The following KY variants were observed in gnomAD, a reference collection of about 807,000 sequenced individuals.
KY encodes the protein kyphoscoliosis peptidase.
A neutral mutation model predicts 76.1 loss-of-function variants in KY; 43 were observed. The ratio of observed to expected loss-of-function variants is 0.57; its 90% CI spans 0.44 to 0.73. The LOEUF (loss-of-function observed/expected upper bound fraction) is 0.73, where lower values mean the gene tolerates loss of function less well. Ranked by LOEUF, KY falls within the 30% of genes least tolerant of loss-of-function variation. The pLI, the probability that KY is intolerant of heterozygous loss-of-function variation, is 0.00. For synonymous variants in KY, 277 were observed against 326.2 expected, an observed-to-expected ratio of 0.85 and a Z score of 1.63; for missense variants, 722 against 828.9, an observed-to-expected ratio of 0.87 and a Z score of 1.58.
intron 6 of KY, among the ~76,000 whole-genome samples, chr3:134,623,174 C>T (rs987530121): frequency 6.6e-6 from 1 of 152,356 alleles, no homozygotes; most frequent in East Asian, 1.9e-4. Flanking sequence ...CCTGGCCCCA[C>T]CTGGGCCTGG....
At chr3:134,637,258 C>A (rs1458089178) in intron 3 of KY, among the ~76,000 whole-genome samples, 2 of 152,216 alleles carry the variant, frequency 1.3e-5, no homozygotes, top group Non-Finnish European at 2.9e-5. Context: ...GGACTGGGTG[C>A]TATCGCCATC....
chr3:134,607,852 G>A (rs866761734), intron 10 of KY: 1 of 987,864 alleles, frequency 1.0e-6, no homozygotes, highest in African/African-American at 1.7e-5. Flanking sequence ...GCCTCCAGAA[G>A]GGAGGGGTAC....
intron 1 of KY, 100 bp from the exon 2 acceptor site, chr3:134,647,597 G>A: frequency 1.5e-6 from 1 of 674,512 alleles, no homozygotes; most frequent in East Asian, 2.9e-5. Context: ...GGTGGATCTT[G>A]GCTCTCTTGG....
rs943325142 is a variant in KY at position 134,650,933 on chromosome 3, C to G, written c.28G>C (p.Val10Leu). 1.9e-6 allele frequency: 3 copies of G among 1,613,256 alleles called. No individual in the cohort carries two copies. Among genetic ancestry groups the G allele is most frequent in the African/African-American group, 1.3e-5 (1 of 74,924 alleles). Residue 10 changes from valine to leucine, a missense_variant, in exon 1 of 11, where the codon GTA becomes CTA. Val to Leu is a conservative substitution (Grantham distance 32, BLOSUM62 1). This residue lies in a region of KY where 170 missense variants were observed against 148.1 expected (regional missense o/e 1.15). Coordinates refer to ENST00000423778, the MANE Select transcript of KY (RefSeq NM_178554.6). ...ACGATCAGCAGCATGTCGATAGATA[C>G]AGCGTTGATGTCCTTCTTCAGCTCC... Reference protein sequence around the residue: MELKKDINAVSIDMLLIVHS... With the variant: MELKKDINALSIDMLLIVHS...
intron 3 of KY, among the ~76,000 whole-genome samples, chr3:134,631,074 C>T (rs776689534): frequency 9.2e-5 from 14 of 152,114 alleles, no homozygotes; most frequent in South Asian, 4.1e-4. Flanking sequence ...GTAAGTAGTG[C>T]GTCAGAGATC....
chr3:134,618,823 C>CT (rs1330884512), intron 8 of KY, among the ~76,000 whole-genome samples: 14 of 152,192 alleles, frequency 9.2e-5, no homozygotes, highest in African/African-American at 3.4e-4. Context: ...AGTCACTGTC[C>CT]TCCCGCTCCC....
rs184348013 is a variant in KY at position 134,635,040 on chromosome 3, C to T, written c.263-5345G>A. Among the ~76,000 whole-genome samples the T allele has an allele frequency of 7.2e-4, 110 of 152,324 alleles. 1 individual carries two copies. The East Asian group carries it at 8.5e-3, about 12-fold the overall frequency. On this transcript the variant is annotated intron_variant, in intron 3 of 10. Transcript: ENST00000423778. ...CTTACCATACAACCTAAAAATTGCC[C>T]TGTTGGGCATTTATCCCAGAGAAAT...
chr3:134,646,053 C>T (rs1401802238), intron 2 of KY, among the ~76,000 whole-genome samples: 8 of 152,130 alleles, frequency 5.3e-5, no homozygotes, highest in Admixed American at 5.2e-4. Context: ...TCTTTGTTTC[C>T]ACCTGTGGCT....
rs748095368 is a variant in KY at position 134,603,865 on chromosome 3, A to G, written c.1700T>C (p.Met567Thr). 1.2e-6 allele frequency: 2 copies of G among 1,614,046 alleles called. No individual in the cohort carries two copies. The highest frequency in any genetic ancestry group is 1.7e-6 in the Non-Finnish European group (2 of 1,179,902). Reference protein sequence around the residue: ...CCANTKVNWPMFPESFGNWGQ... With the variant: ...CCANTKVNWPTFPESFGNWGQ... ...CCAGTTGCCAAAGCTCTCAGGGAACATGGGCCAGTTCACCTTGGTGTTGGC... is the reference window on the plus strand; with the variant it reads ...CCAGTTGCCAAAGCTCTCAGGGAACGTGGGCCAGTTCACCTTGGTGTTGGC... The change falls in exon 11 of 11, where the codon ATG (methionine) becomes ACG (threonine). Residue 567 changes from methionine to threonine, a missense_variant. Met to Thr is a moderately conservative substitution (Grantham distance 81). This residue lies in a region of KY where 552 missense variants were observed against 680.9 expected (regional missense o/e 0.81). Transcript: ENST00000423778.
intron 3 of KY, among the ~76,000 whole-genome samples, chr3:134,630,632 C>T (rs1466625176): frequency 6.6e-6 from 1 of 152,224 alleles, no homozygotes; most frequent in African/African-American, 2.4e-5. Flanking sequence ...ATACCACAGT[C>T]TTCAGGAAGT....
chr3:134,610,979 G>A (rs6779294), intron 8 of KY, among the ~76,000 whole-genome samples: 95,454 of 152,130 alleles, frequency 0.63, 30,417 homozygotes, highest in East Asian at 0.87. Context: ...CGGGGCAGGC[G>A]GTGGATGTCT....
rs1028359749 is a variant in KY at position 134,602,978 on chromosome 3, A to G, written c.*601T>C. ...TTGTGGGTCAGCTGGCTTCCTCACC[A>G]CACCCTTTTTCTTGGGCTCTTGAAG... On this transcript the variant is annotated 3_prime_UTR_variant, in exon 11 of 11. Coordinates refer to ENST00000423778, the MANE Select transcript of KY (RefSeq NM_178554.6). 6.6e-6 allele frequency among the ~76,000 whole-genome samples: 1 copy of G among 152,106 alleles called. No individual in the cohort carries two copies. Among genetic ancestry groups the G allele is most frequent in the Non-Finnish European group, 1.5e-5 (1 of 68,010 alleles).
chr3:134,612,856 G>C (rs1960775385), intron 8 of KY: 1 of 150,398 alleles, frequency 6.6e-6, no homozygotes, highest in Admixed American at 6.6e-5. Context: ...GGCACAAAAG[G>C]CACCTGATCT....
At chr3:134,647,735 A>G (rs1433987834) in intron 1 of KY, among the ~76,000 whole-genome samples, 1 of 152,224 alleles carries the variant, frequency 6.6e-6, no homozygotes, top group Non-Finnish European at 1.5e-5. Context: ...AGGGTCATTT[A>G]GGGAGAATTT....
At chr3:134,635,493 T>TTA (rs1553814998) in intron 3 of KY, among the ~76,000 whole-genome samples, 1 of 79,352 alleles carries the variant, frequency 1.3e-5, no homozygotes, top group Admixed American at 1.8e-4. Flanking sequence ...CGAGACTCTG[T>TTA]AAAAAAAAAA....
Position 134,603,572 on chromosome 3 carries a change from A to G in KY, c.*7T>C, listed in dbSNP as rs747483348. ...CCCTTTGGGAGGGTAAGACCGGGGC[A>G]CAGCCCTCACTGGGCATTCACTTTG... On this transcript the variant is annotated 3_prime_UTR_variant, in exon 11 of 11. Transcript: ENST00000423778. 16 of 1,565,174 alleles carry G rather than the reference A, an allele frequency of 1.0e-5. No individual in the cohort carries two copies. In the East Asian group the frequency reaches 3.4e-4, roughly 33 times the overall value.
chr3:134,605,682 C>T (rs1019484601), intron 10 of KY, among the ~76,000 whole-genome samples: 3 of 152,040 alleles, frequency 2.0e-5, no homozygotes, highest in Non-Finnish European at 4.4e-5. Context: ...CCCACTGCCT[C>T]CATTTCCCCT....
Position 134,629,782 on chromosome 3 carries a change from A to AATTAGTTTTAG in KY, c.263-98_263-88dup, listed in dbSNP as rs955532173. ...ATGACTGATGATTGAATAAAAAAAC[A>AATTAGTTTTAG]ATTAGTTTTAGAACTTTCTTTTGTG... On this transcript the variant is annotated intron_variant, in intron 3 of 10. Coordinates refer to ENST00000423778, the MANE Select transcript of KY (RefSeq NM_178554.6). 4 of 814,616 alleles carry AATTAGTTTTAG rather than the reference A, an allele frequency of 4.9e-6. No homozygotes were observed. In the African/African-American group the frequency reaches 6.9e-5, roughly 14 times the overall value. 50.5% of individuals were successfully genotyped at this position (814,616 alleles called of 1,614,324 possible). A position where few individuals can be genotyped will look rare whatever the true frequency, so the allele number is the denominator to read the frequency against.
Position 134,603,456 on chromosome 3 carries a change from C to T in KY, c.*123G>A. 1 of 835,660 alleles carries T rather than the reference C, an allele frequency of 1.2e-6. No individual in the cohort carries two copies. The allele number at this position is 835,660 out of a possible 1,614,324, so 51.8% of individuals were successfully genotyped here. On this transcript the variant is annotated 3_prime_UTR_variant, in exon 11 of 11. Transcript: ENST00000423778. ...CTGTGGCAGAGGTGGGACACTGAGG[C>T]AGAGGCCTAGAAGGGATTTCATGCA...
Sources: allele counts gnomAD v4.1 joint callset (sites outside exome capture counted in the v4.1 genomes callset), GRCh38; gene constraint gnomAD v4.1.1; regional missense constraint gnomAD v4.1.1; transcripts MANE v1.5; gene names NCBI Gene and HGNC (gene_info 2026-07-23, HGNC 2026-07-21).